RAD51B: variants seen among roughly 807,000 people sequenced by gnomAD.
RAD51B encodes the protein RAD51 paralog B.
Under a neutral mutation model 42.2 loss-of-function variants are expected in RAD51B, and 38 were observed. That is an observed-to-expected ratio of 0.90 (90% CI 0.70 to 1.18). The LOEUF (loss-of-function observed/expected upper bound fraction) is 1.18. Among genes scored for constraint, RAD51B ranks in the 50% most tolerant of loss-of-function variants. The pLI, the probability that RAD51B is intolerant of heterozygous loss-of-function variation, is 0.00. For missense variants in RAD51B, 373 were observed against 400.7 expected, an observed-to-expected ratio of 0.93 and a Z score of 0.59; for synonymous variants, 154 against 145.2, an observed-to-expected ratio of 1.06 and a Z score of -0.43.
chr14:67,928,376 C>G (rs1049663449), intron 7 of RAD51B, among the ~76,000 whole-genome samples: 10 of 152,018 alleles, frequency 6.6e-5, no homozygotes, highest in African/African-American at 2.4e-4. Flanking sequence ...CATACAGAGA[C>G]AGAGGGAGGG....
intron 7 of RAD51B, among the ~76,000 whole-genome samples, chr14:67,912,522 A>G (rs977102713): frequency 6.6e-6 from 1 of 152,244 alleles, no homozygotes; most frequent in African/African-American, 2.4e-5. Flanking sequence ...TGAGGAGTTC[A>G]GATTCTACTG....
At chr14:67,879,462 A>T (rs529577174) in intron 5 of RAD51B, among the ~76,000 whole-genome samples, 1 of 151,930 alleles carries the variant, frequency 6.6e-6, no homozygotes, top group East Asian at 1.9e-4. Flanking sequence ...TTTTTTTAAG[A>T]GACAGGGCCT....
intron 8 of RAD51B, among the ~76,000 whole-genome samples, chr14:68,314,470 C>T (rs867128879): frequency 2.2e-4 from 33 of 152,166 alleles, no homozygotes; most frequent in African/African-American, 6.8e-4. Context: ...CTCTTTTCAG[C>T]GAATCTGATT....
At chr14:68,049,362 A>G (rs2076356363) in intron 7 of RAD51B, among the ~76,000 whole-genome samples, 1 of 152,202 alleles carries the variant, frequency 6.6e-6, no homozygotes, top group Non-Finnish European at 1.5e-5. Context: ...ATAATAAAAT[A>G]TATATACATA....
intron 8 of RAD51B, among the ~76,000 whole-genome samples, chr14:68,294,736 C>T (rs897541231): frequency 2.6e-5 from 4 of 152,160 alleles, no homozygotes; most frequent in African/African-American, 7.2e-5. Context: ...GAAGAATGGC[C>T]GTGTTGCTGA....
At chr14:68,099,667 A>G (rs1201389778) in intron 7 of RAD51B, among the ~76,000 whole-genome samples, 1 of 152,230 alleles carries the variant, frequency 6.6e-6, no homozygotes, top group Non-Finnish European at 1.5e-5. Context: ...AGCATTCCTA[A>G]GAAAACTGTG....
chr14:68,378,627 TATC>T (rs1337720189), intron 8 of RAD51B, among the ~76,000 whole-genome samples: 10 of 152,222 alleles, frequency 6.6e-5, no homozygotes, highest in Non-Finnish European at 7.3e-5. Flanking sequence ...TTTAAATAGT[TATC>T]ATGCTGTATT....
chr14:68,247,708 T>C (rs949607124), intron 7 of RAD51B, among the ~76,000 whole-genome samples: 38 of 152,350 alleles, frequency 2.5e-4, no homozygotes, highest in African/African-American at 7.9e-4. Flanking sequence ...TATTAGTCTA[T>C]TTGGGGGATT....
chr14:68,141,802 A>G (rs1343318727), intron 7 of RAD51B, among the ~76,000 whole-genome samples: 5 of 152,196 alleles, frequency 3.3e-5, no homozygotes. Context: ...TAATAAAAGT[A>G]GGACTCCTTT....
chr14:68,164,886 G>A (rs534418402), intron 7 of RAD51B, among the ~76,000 whole-genome samples: 1 of 152,144 alleles, frequency 6.6e-6, no homozygotes, highest in African/African-American at 2.4e-5. Context: ...GTGGCCAAAG[G>A]TCCTAGCTGT....
At chr14:68,044,315 G>A (rs1169121928) in intron 7 of RAD51B, among the ~76,000 whole-genome samples, 1 of 152,238 alleles carries the variant, frequency 6.6e-6, no homozygotes, top group African/African-American at 2.4e-5. Context: ...GAGAAGGACA[G>A]TGTGATAGAG....
At chr14:68,005,062 T>TTG in intron 7 of RAD51B, among the ~76,000 whole-genome samples, 16 of 139,058 alleles carry the variant, frequency 1.2e-4, no homozygotes, top group African/African-American at 3.8e-4. Flanking sequence ...TTTTTTTTTT[T>TTG]TTTTTTTTTT....
intron 7 of RAD51B, among the ~76,000 whole-genome samples, chr14:67,925,990 C>T (rs1184535629): frequency 2.0e-5 from 3 of 152,170 alleles, no homozygotes; most frequent in East Asian, 1.9e-4. Flanking sequence ...TGGGCCCAGC[C>T]CATGAAACCA....
intron 10 of RAD51B, among the ~76,000 whole-genome samples, chr14:68,621,795 A>AG (rs72518693): frequency 3.6e-5 from 1 of 27,816 alleles, no homozygotes; most frequent in African/African-American, 4.8e-4. Context: ...AGAATAAAAC[A>AG]AGCTGTCAGC....
At chr14:68,249,507 T>C (rs1431520133) in intron 7 of RAD51B, among the ~76,000 whole-genome samples, 3 of 152,224 alleles carry the variant, frequency 2.0e-5, no homozygotes, top group Non-Finnish European at 4.4e-5. Context: ...AATAGTGAGC[T>C]TCTGATGTGA....
intron 10 of RAD51B, among the ~76,000 whole-genome samples, chr14:68,492,782 A>C (rs1196672934): frequency 1.3e-5 from 2 of 152,110 alleles, no homozygotes; most frequent in Non-Finnish European, 2.9e-5. Flanking sequence ...CCCTTCTACC[A>C]TTGTCTCTCC....
chr14:68,401,057 A>G (rs1054260019), intron 8 of RAD51B, among the ~76,000 whole-genome samples: 1 of 152,156 alleles, frequency 6.6e-6, no homozygotes, highest in African/African-American at 2.4e-5. Context: ...TCTTATGCCT[A>G]CTATTGTTTT....
intron 5 of RAD51B, among the ~76,000 whole-genome samples, chr14:67,869,710 G>A (rs900344791): frequency 3.3e-5 from 5 of 152,128 alleles, no homozygotes; most frequent in African/African-American, 1.2e-4. Flanking sequence ...CCCTCAAAGG[G>A]AAGCCCATCA....
At chr14:68,572,193 A>C (rs1484152805) in intron 10 of RAD51B, among the ~76,000 whole-genome samples, 1 of 152,212 alleles carries the variant, frequency 6.6e-6, no homozygotes, top group Non-Finnish European at 1.5e-5. Context: ...TTTGAGATGT[A>C]ATCTCGAATC....
Sources: gnomAD v4.1 joint callset for allele counts (sites outside exome capture counted in the v4.1 genomes callset) on GRCh38, gnomAD v4.1.1 for gene constraint, MANE v1.5 for transcripts, NCBI Gene and HGNC (gene_info 2026-07-23, HGNC 2026-07-21) for gene names.